Variants in GPC6 observed in about 807,000 individuals in gnomAD.
GPC6 encodes glypican-6.
GPC6 carries 14 observed loss-of-function variants against 55.2 expected under a neutral mutation model. The ratio of observed to expected loss-of-function variants is 0.25; its 90% CI spans 0.17 to 0.40. The LOEUF is 0.40. Among genes scored for constraint, GPC6 ranks in the 10% least tolerant of loss-of-function variants. The probability of loss-of-function intolerance (pLI) is 1.00; values close to 1 mark genes in which losing one functional copy is unlikely to be tolerated. For synonymous variants in GPC6, 278 were observed against 259.6 expected, an observed-to-expected ratio of 1.07 and a Z score of -0.68; for missense variants, 641 against 708.5, an observed-to-expected ratio of 0.90 and a Z score of 1.08.
intron 3 of GPC6, among the ~76,000 whole-genome samples, chr13:93,977,791 A>C (rs995065297): frequency 2.0e-5 from 3 of 152,082 alleles, no homozygotes; most frequent in Non-Finnish European, 4.4e-5. Flanking sequence ...ACTTGTAGAC[A>C]ATTCCCTGAA....
chr13:94,315,771 C>T (rs1191543354), intron 6 of GPC6, among the ~76,000 whole-genome samples: 1 of 152,176 alleles, frequency 6.6e-6, no homozygotes, highest in Non-Finnish European at 1.5e-5. Context: ...CCTTTATTCA[C>T]CATATTTATT....
At chr13:93,814,936 A>G (rs1279933502) in intron 2 of GPC6, among the ~76,000 whole-genome samples, 1 of 152,182 alleles carries the variant, frequency 6.6e-6, no homozygotes, top group Non-Finnish European at 1.5e-5. Flanking sequence ...CGTTTACAAC[A>G]GAAGCTACCT....
intron 3 of GPC6, among the ~76,000 whole-genome samples, chr13:93,956,999 G>A (rs1054454226): frequency 6.6e-5 from 10 of 152,242 alleles, no homozygotes; most frequent in Middle Eastern, 3.4e-3. Context: ...TATTGATATG[G>A]TATTCCCAAA....
chr13:94,254,151 CGA>C (rs1301884651), intron 4 of GPC6, among the ~76,000 whole-genome samples: 8 of 152,052 alleles, frequency 5.3e-5, no homozygotes, highest in Non-Finnish European at 1.2e-4. Flanking sequence ...TAAAATGTAT[CGA>C]GTCATATTCT....
intron 3 of GPC6, among the ~76,000 whole-genome samples, chr13:93,877,264 A>G (rs1874645614): frequency 6.6e-6 from 1 of 152,024 alleles, no homozygotes; most frequent in Non-Finnish European, 1.5e-5. Flanking sequence ...GTTAACCCTT[A>G]TAACATGATC....
intron 1 of GPC6, among the ~76,000 whole-genome samples, chr13:93,329,313 G>A (rs1566301844): frequency 6.6e-6 from 1 of 152,128 alleles, no homozygotes; most frequent in Non-Finnish European, 1.5e-5. Flanking sequence ...GCAACAGCTT[G>A]TAAAAGCCAG....
At chr13:93,914,011 A>G (rs958555337) in intron 3 of GPC6, among the ~76,000 whole-genome samples, 1 of 151,992 alleles carries the variant, frequency 6.6e-6, no homozygotes, top group Non-Finnish European at 1.5e-5. Context: ...ACTTAATTTC[A>G]CTGTTTTATT....
chr13:93,436,524 A>G (rs1594168222), intron 1 of GPC6, among the ~76,000 whole-genome samples: 1 of 152,160 alleles, frequency 6.6e-6, no homozygotes, highest in South Asian at 2.1e-4. Flanking sequence ...AATGGTAGGG[A>G]TAGTTTCTGG....
chr13:94,288,913 GTT>G (rs1874757927), intron 5 of GPC6, among the ~76,000 whole-genome samples: 3 of 123,072 alleles, frequency 2.4e-5, no homozygotes, highest in African/African-American at 9.3e-5. Flanking sequence ...ATATATATTT[GTT>G]ATATATATAA....
Position 93,986,299 on chromosome 13 carries a change from G to A in GPC6, c.712-41430G>A, listed in dbSNP as rs538300570. 8.8e-4 allele frequency among the ~76,000 whole-genome samples: 134 copies of A among 152,112 alleles called. 3 individuals carry two copies. The South Asian group carries it at 0.026, about 30-fold the overall frequency. ...TTACTAAATTTGAGACACTCTGTTA[G>A]ACATTCAACTCTGTGATCTTACAGA... On this transcript the variant is annotated intron_variant, in intron 3 of 8. Transcript: ENST00000377047.
At chr13:94,223,775 C>T (rs996563072) in intron 4 of GPC6, among the ~76,000 whole-genome samples, 1 of 152,102 alleles carries the variant, frequency 6.6e-6, no homozygotes. Flanking sequence ...GATGCAATCC[C>T]CAGTACAGCA....
At chr13:93,355,705 G>A (rs757435739) in intron 1 of GPC6, among the ~76,000 whole-genome samples, 7 of 152,196 alleles carry the variant, frequency 4.6e-5, no homozygotes, top group Non-Finnish European at 7.3e-5. Flanking sequence ...TAATTGTGCA[G>A]CAGTGTATTG....
chr13:94,234,812 A>G (rs1363460819), intron 4 of GPC6, among the ~76,000 whole-genome samples: 1 of 152,180 alleles, frequency 6.6e-6, no homozygotes, highest in African/African-American at 2.4e-5. Context: ...CATATACCAC[A>G]ACATAGATAA....
At chr13:93,633,148 G>A (rs1879533139) in intron 2 of GPC6, among the ~76,000 whole-genome samples, 1 of 152,174 alleles carries the variant, frequency 6.6e-6, no homozygotes, top group Admixed American at 6.5e-5. Flanking sequence ...GTGAGAAACT[G>A]ATTACTCAGT....
intron 3 of GPC6, among the ~76,000 whole-genome samples, chr13:93,917,777 A>C (rs1380569337): frequency 6.6e-6 from 1 of 152,184 alleles, no homozygotes; most frequent in East Asian, 1.9e-4. Context: ...AAATCTGCGT[A>C]AGTGTCAAAT....
intron 4 of GPC6, among the ~76,000 whole-genome samples, chr13:94,157,788 A>G (rs1167275726): frequency 1.3e-5 from 2 of 152,174 alleles, no homozygotes; most frequent in Admixed American, 6.5e-5. Flanking sequence ...GACAGTAGGC[A>G]GTAGGTATCA....
At chr13:93,644,897 A>G (rs1210666849) in intron 2 of GPC6, among the ~76,000 whole-genome samples, 2 of 152,266 alleles carry the variant, frequency 1.3e-5, no homozygotes, top group South Asian at 2.1e-4. Context: ...ATGCAGCCAT[A>G]TTCAATGAAC....
intron 1 of GPC6, among the ~76,000 whole-genome samples, chr13:93,262,719 C>G (rs1358689377): frequency 6.6e-6 from 1 of 152,152 alleles, no homozygotes; most frequent in Non-Finnish European, 1.5e-5. Context: ...TCCCCCCACA[C>G]CCCCAAGTTG....
intron 3 of GPC6, among the ~76,000 whole-genome samples, chr13:93,957,438 A>G (rs1349787363): frequency 6.6e-6 from 1 of 152,116 alleles, no homozygotes; most frequent in African/African-American, 2.4e-5. Context: ...ATGTGTGCCC[A>G]ATGTTTAGCT....
Sources: gnomAD v4.1 joint callset for allele counts (sites outside exome capture counted in the v4.1 genomes callset) on GRCh38, gnomAD v4.1.1 for gene constraint, MANE v1.5 for transcripts, NCBI Gene and HGNC (gene_info 2026-07-23, HGNC 2026-07-21) for gene names.